The following KIF6 variants were observed in gnomAD, a reference collection of about 807,000 sequenced individuals.
KIF6 encodes the protein kinesin family member 6.
KIF6 carries 106 observed loss-of-function variants against 112.7 expected under a neutral mutation model. The observed-to-expected ratio is 0.94, with a 90% CI of 0.80 to 1.11. The LOEUF (loss-of-function observed/expected upper bound fraction) is 1.11. Among genes scored for constraint, KIF6 ranks in the 50% least tolerant of loss-of-function variants. The pLI, the probability that KIF6 is intolerant of heterozygous loss-of-function variation, is 0.00. For synonymous variants in KIF6, 339 were observed against 339.9 expected, an observed-to-expected ratio of 1.00 and a Z score of 0.03; for missense variants, 929 against 964.0, an observed-to-expected ratio of 0.96 and a Z score of 0.48.
At chr6:39,574,932 G>C (rs977250078) in intron 10 of KIF6, among the ~76,000 whole-genome samples, 2 of 152,132 alleles carry the variant, frequency 1.3e-5, no homozygotes, top group Non-Finnish European at 2.9e-5. Context: ...TGAGCCATCT[G>C]TTAAGTTCTT....
intron 13 of KIF6, among the ~76,000 whole-genome samples, chr6:39,471,666 T>C (rs986283799): frequency 3.9e-5 from 6 of 152,180 alleles, no homozygotes; most frequent in African/African-American, 9.7e-5. Context: ...ATCTGAGGAC[T>C]GGCTCAAGGT....
chr6:39,522,937 T>A (rs1418695766), intron 13 of KIF6, among the ~76,000 whole-genome samples: 2 of 152,346 alleles, frequency 1.3e-5, no homozygotes, highest in African/African-American at 2.4e-5. Context: ...GACCCCCTTA[T>A]CTGCTCTCAT....
chr6:39,539,938 C>A, intron 13 of KIF6, 65 bp downstream of exon 13: 1 of 1,203,316 alleles, frequency 8.3e-7, no homozygotes, highest in African/African-American at 1.5e-5. Flanking sequence ...ACATGTAAAA[C>A]TAAAGGGTGC....
Position 39,519,949 on chromosome 6 carries a change from G to T in KIF6, c.1645+20054C>A, listed in dbSNP as rs139099940. Among the ~76,000 whole-genome samples, 393 of 152,254 alleles carry T rather than the reference G, an allele frequency of 2.6e-3. 4 individuals are homozygous for T. Among genetic ancestry groups the T allele is most frequent in the African/African-American group, 8.8e-3 (366 of 41,538 alleles). On this transcript the variant is annotated intron_variant, in intron 13 of 22. Coordinates refer to ENST00000287152, the MANE Select transcript of KIF6 (RefSeq NM_145027.6). The stretch of plus-strand genomic sequence containing the variant: ...AGGCAAGAGAATCGCTTGAACCCGG[G>T]GGGCAGAGGTTGCAGTGACCCAAGA...
chr6:39,724,481 T>TA (rs1379232829), intron 1 of KIF6, among the ~76,000 whole-genome samples: 2 of 143,706 alleles, frequency 1.4e-5, no homozygotes, highest in African/African-American at 5.1e-5. Flanking sequence ...AAAAGGTGCA[T>TA]ACAAAGTATC....
At chr6:39,538,868 T>C (rs1477206361) in intron 13 of KIF6, among the ~76,000 whole-genome samples, 7 of 150,018 alleles carry the variant, frequency 4.7e-5, no homozygotes, top group East Asian at 2.0e-4. Context: ...ACATATACAC[T>C]ATGGAATACT....
At chr6:39,445,337 C>T (rs928499748) in intron 13 of KIF6, among the ~76,000 whole-genome samples, 5 of 152,182 alleles carry the variant, frequency 3.3e-5, no homozygotes, top group African/African-American at 9.7e-5. Context: ...GGAGGTGATC[C>T]TTTAACCTCT....
At chr6:39,498,820 A>G (rs1775944481) in intron 13 of KIF6, among the ~76,000 whole-genome samples, 1 of 152,210 alleles carries the variant, frequency 6.6e-6, no homozygotes, top group Non-Finnish European at 1.5e-5. Flanking sequence ...ACAGCTAGTA[A>G]GGGAAAATTT....
At chr6:39,493,225 G>C (rs138048152) in intron 13 of KIF6, among the ~76,000 whole-genome samples, 218 of 152,230 alleles carry the variant, frequency 1.4e-3, no homozygotes, top group African/African-American at 5.0e-3. Context: ...GTATATTATG[G>C]AATTTTAGCA....
intron 3 of KIF6, among the ~76,000 whole-genome samples, chr6:39,646,546 C>T (rs1785181381): frequency 6.6e-6 from 1 of 152,052 alleles, no homozygotes; most frequent in African/African-American, 2.4e-5. Context: ...AAAGTTTAGT[C>T]TTAGTTTAAT....
Position 39,343,640 on chromosome 6 carries a change from C to T in KIF6, c.2428+69G>A. ...GAAACTCCCTACTCCCCTCCCACCT[C>T]ACTGTGTGCTCCCCACAAGTGTTGG... is the stretch of plus-strand genomic sequence containing the variant. On this transcript the variant is annotated intron_variant, in intron 22 of 22. Coordinates refer to ENST00000287152, the MANE Select transcript of KIF6 (RefSeq NM_145027.6). This position sits in a 1 kb window ranked among gnomAD's most constrained non-coding sequence, Gnocchi z 4.1. 7.7e-7 allele frequency: 1 copy of T among 1,303,464 alleles called. No individual in the cohort carries two copies. Among genetic ancestry groups the T allele is most frequent in the Non-Finnish European group, 1.1e-6 (1 of 929,326 alleles). 80.7% of individuals were successfully genotyped at this position (1,303,464 alleles called of 1,614,324 possible).
chr6:39,452,678 C>A (rs748293125), intron 13 of KIF6, among the ~76,000 whole-genome samples: 3 of 152,170 alleles, frequency 2.0e-5, no homozygotes, highest in Non-Finnish European at 4.4e-5. Context: ...AAAAAGGGAA[C>A]ATTTTTATTA....
rs1265628099 is a variant in KIF6, at chr6:39,342,609, TTATTTTTTTTTATTTTTTTTTA to T, written c.2428+1078_2428+1099del. Among the ~76,000 whole-genome samples the T allele has an allele frequency of 1.5e-4, 17 of 115,954 alleles. 3 individuals are homozygous for T. The highest frequency in any genetic ancestry group is 6.6e-4 in the African/African-American group (15 of 22,880). 76.1% of individuals were successfully genotyped at this position (115,954 alleles called of 152,430 possible). ...ACTGAATCCAGTTTTTTATTTTTTT[TTATTTTTTTTTATTTTTTTTTA>T]TTTTTAGACAAGGAAACTGAGAATG... On this transcript the variant is annotated intron_variant, in intron 22 of 22. Transcript: ENST00000287152. The surrounding 1 kb of genome is among the most constrained non-coding windows in gnomAD (Gnocchi z 4.7).
At chr6:39,563,441 C>A (rs187359674) in intron 10 of KIF6, among the ~76,000 whole-genome samples, 1 of 151,930 alleles carries the variant, frequency 6.6e-6, no homozygotes, top group Admixed American at 6.6e-5. Context: ...ATAAAACTAA[C>A]AGTATAGTTT....
At chr6:39,487,597 T>G (rs1425236358) in intron 13 of KIF6, among the ~76,000 whole-genome samples, 1 of 152,150 alleles carries the variant, frequency 6.6e-6, no homozygotes, top group Non-Finnish European at 1.5e-5. Flanking sequence ...ACAATTATTT[T>G]TGTTCCAGAC....
intron 5 of KIF6, among the ~76,000 whole-genome samples, chr6:39,623,228 C>A (rs1230833988): frequency 6.6e-6 from 1 of 152,072 alleles, no homozygotes; most frequent in Non-Finnish European, 1.5e-5. Flanking sequence ...TAGATAGTGT[C>A]ATTAATTTTC....
chr6:39,541,121 G>A (rs925795099), intron 12 of KIF6, among the ~76,000 whole-genome samples: 2 of 152,184 alleles, frequency 1.3e-5, no homozygotes, highest in Non-Finnish European at 2.9e-5. Flanking sequence ...TGTGGTATGT[G>A]TCCTAAAGGG....
intron 13 of KIF6, among the ~76,000 whole-genome samples, chr6:39,449,184 T>C (rs181585230): frequency 1.3e-5 from 2 of 152,218 alleles, no homozygotes; most frequent in Non-Finnish European, 2.9e-5. Flanking sequence ...ATATTCTCTA[T>C]ATAGCAACCC....
chr6:39,371,544 C>T (rs1300055357), intron 16 of KIF6, among the ~76,000 whole-genome samples: 1 of 152,180 alleles, frequency 6.6e-6, no homozygotes, highest in African/African-American at 2.4e-5. Context: ...CTGCACAGCC[C>T]TGACAGTCTT....
Sources: allele counts gnomAD v4.1 joint callset (sites outside exome capture counted in the v4.1 genomes callset), GRCh38; gene constraint gnomAD v4.1.1; non-coding constraint Gnocchi (gnomAD v3.1); transcripts MANE v1.5; gene names NCBI Gene and HGNC (gene_info 2026-07-23, HGNC 2026-07-21).